Variants in HDAC9 observed in about 807,000 individuals in gnomAD.
HDAC9 encodes the protein histone deacetylase 9.
HDAC9 carries 41 observed loss-of-function variants against 139.4 expected under a neutral mutation model. The observed-to-expected ratio is 0.29, with a 90% confidence interval of 0.23 to 0.38. The LOEUF (loss-of-function observed/expected upper bound fraction) is 0.38. Among genes scored for constraint, HDAC9 ranks in the 10% least tolerant of loss-of-function variants. The pLI is 1.00. For synonymous variants in HDAC9, 517 were observed against 476.2 expected (o/e 1.09, Z -1.12); for missense variants, 1,147 against 1,297.0 (o/e 0.88, Z 1.78).
At chr7:18,456,897 T>C (rs182876196) in intron 1 of HDAC9, among the ~76,000 whole-genome samples, 3 of 152,348 alleles carry the variant, frequency 2.0e-5, no homozygotes, top group Admixed American at 1.3e-4. Flanking sequence ...AGGGTATTTA[T>C]TGGCTCACAT....
chr7:18,289,817 T>G (rs1797694884), upstream of HDAC9, among the ~76,000 whole-genome samples: 1 of 152,182 alleles, frequency 6.6e-6, no homozygotes, highest in African/African-American at 2.4e-5. Flanking sequence ...ACCGCAGGCC[T>G]TTCCATCTAA....
intron 22 of HDAC9, among the ~76,000 whole-genome samples, chr7:18,883,475 G>A (rs1799884879): frequency 6.6e-6 from 1 of 152,058 alleles, no homozygotes; most frequent in African/African-American, 2.4e-5. Flanking sequence ...AAAGGCATTT[G>A]ACAAATTCAA....
At chr7:18,736,785 A>G (rs984769163) in intron 13 of HDAC9, among the ~76,000 whole-genome samples, 5 of 152,084 alleles carry the variant, frequency 3.3e-5, no homozygotes, top group African/African-American at 7.2e-5. Context: ...TTTTCTATTT[A>G]TTGGAATAGT....
At position 18,530,054 on chromosome 7, in the gene HDAC9, T is replaced by G. The variant is rs144157057; in HGVS notation, c.22+33730T>G. ...GGGGGGGTGTGGCAGGAGGATCACT[T>G]GAACCCAAGTTCAAGTGGAGTTTGA... is the stretch of plus-strand genomic sequence containing the variant. On this transcript the variant is annotated intron_variant, in intron 2 of 25. Transcript: ENST00000686413. Among the ~76,000 whole-genome samples the G allele has an allele frequency of 1.1e-4, 17 of 152,184 alleles. No individual in the cohort carries two copies. In the East Asian group the frequency reaches 3.3e-3, roughly 29 times the overall value.
intron 2 of HDAC9, among the ~76,000 whole-genome samples, chr7:18,170,817 G>A (rs973347587): frequency 6.6e-6 from 1 of 152,092 alleles, no homozygotes; most frequent in Non-Finnish European, 1.5e-5. Flanking sequence ...CTCTGTTTTG[G>A]TACCAGAACC....
intron 1 of HDAC9, among the ~76,000 whole-genome samples, chr7:18,106,459 C>A (rs1783209941): frequency 6.8e-6 from 1 of 146,480 alleles, no homozygotes; most frequent in African/African-American, 2.5e-5. Flanking sequence ...GCACACATTT[C>A]TTTTTTTTTT....
chr7:18,559,405 C>T (rs114379514), intron 2 of HDAC9, among the ~76,000 whole-genome samples: 185 of 152,160 alleles, frequency 1.2e-3, no homozygotes, highest in Middle Eastern at 3.4e-3. Context: ...ACCAATCGAT[C>T]GTATCTCCAA....
At chr7:18,519,060 G>A (rs1415785506) in intron 2 of HDAC9, among the ~76,000 whole-genome samples, 3 of 152,132 alleles carry the variant, frequency 2.0e-5, no homozygotes, top group Admixed American at 6.5e-5. Flanking sequence ...TAAATACTAT[G>A]TATAGAATTA....
intron 21 of HDAC9, 115 bp downstream of exon 21, chr7:18,836,112 G>C (rs1167041143): frequency 1.7e-6 from 1 of 600,162 alleles, no homozygotes; most frequent in Non-Finnish European, 2.9e-6. Flanking sequence ...ATCGCTCAAA[G>C]CCACATAAGA....
intron 2 of HDAC9, among the ~76,000 whole-genome samples, chr7:18,187,088 T>C (rs1789973891): frequency 6.6e-6 from 1 of 152,238 alleles, no homozygotes; most frequent in Non-Finnish European, 1.5e-5. Flanking sequence ...GCAGTAATAA[T>C]TTATTATTCA....
At chr7:18,235,989 A>G (rs141306479) in intron 2 of HDAC9, among the ~76,000 whole-genome samples, 1 of 152,220 alleles carries the variant, frequency 6.6e-6, no homozygotes, top group African/African-American at 2.4e-5. Context: ...ATTTCTTTGC[A>G]TTATACTGTA....
At chr7:18,479,282 C>T (rs1213328539) in intron 1 of HDAC9, among the ~76,000 whole-genome samples, 1 of 151,884 alleles carries the variant, frequency 6.6e-6, no homozygotes, top group East Asian at 1.9e-4. Flanking sequence ...AATTGATTTT[C>T]TGAGTGGGAG....
intron 1 of HDAC9, among the ~76,000 whole-genome samples, chr7:18,479,484 C>T (rs576260036): frequency 6.6e-6 from 1 of 152,246 alleles, no homozygotes; most frequent in East Asian, 1.9e-4. Context: ...CTATTCTGTT[C>T]TCTTACCTAG....
chr7:18,317,092 T>G (rs550125756), intron 1 of HDAC9, among the ~76,000 whole-genome samples: 1 of 108,862 alleles, frequency 9.2e-6, no homozygotes, highest in Non-Finnish European at 1.8e-5. Flanking sequence ...AGACTCTGTC[T>G]CAAAATAAAT....
intron 1 of HDAC9, among the ~76,000 whole-genome samples, chr7:18,117,470 A>C (rs897591945): frequency 6.6e-6 from 1 of 151,584 alleles, no homozygotes; most frequent in Non-Finnish European, 1.5e-5. Flanking sequence ...TGGGCAACAG[A>C]GCGAGACTCT....
chr7:18,175,768 A>ACC (rs57980430), intron 2 of HDAC9, among the ~76,000 whole-genome samples: 4,770 of 112,504 alleles, frequency 0.042, 214 homozygotes, highest in Non-Finnish European at 0.068. Flanking sequence ...ATTATTTTTA[A>ACC]CCCCCCCCCC....
chr7:18,908,615 G>C (rs1392398531), intron 22 of HDAC9, among the ~76,000 whole-genome samples: 1 of 151,768 alleles, frequency 6.6e-6, no homozygotes, highest in Non-Finnish European at 1.5e-5. Flanking sequence ...AACTCTTTTG[G>C]CTTCCACATG....
At chr7:18,151,246 G>A (rs893162696) in intron 1 of HDAC9, among the ~76,000 whole-genome samples, 5 of 152,154 alleles carry the variant, frequency 3.3e-5, no homozygotes, top group African/African-American at 1.2e-4. Flanking sequence ...ATGTCTTGTG[G>A]ATTGAGTGCG....
chr7:18,547,561 C>A (rs62446987), intron 2 of HDAC9, among the ~76,000 whole-genome samples: 1 of 152,026 alleles, frequency 6.6e-6, no homozygotes, highest in African/African-American at 2.4e-5. Context: ...TAAAATAAGA[C>A]AACAATGAAG....
Sources: allele counts gnomAD v4.1 joint callset (sites outside exome capture counted in the v4.1 genomes callset), GRCh38; gene constraint gnomAD v4.1.1; transcripts MANE v1.5; gene names NCBI Gene and HGNC (gene_info 2026-07-23, HGNC 2026-07-21).